The following NRXN1 variants were observed in gnomAD, a reference collection of about 807,000 sequenced individuals.
The protein encoded by NRXN1 is neurexin-1.
NRXN1 carries 39 observed loss-of-function variants against 150.9 expected under a neutral mutation model. The ratio of observed to expected loss-of-function variants is 0.26; its 90% CI spans 0.20 to 0.34. The LOEUF (loss-of-function observed/expected upper bound fraction) is 0.34, where lower values mean the gene tolerates loss of function less well. Among genes scored for constraint, NRXN1 ranks in the 10% least tolerant of loss-of-function variants. The pLI is 1.00. For missense variants in NRXN1, 1,815 were observed against 1,949.9 expected, an observed-to-expected ratio of 0.93 and a Z score of 1.30; for synonymous variants, 924 against 757.0, an observed-to-expected ratio of 1.22 and a Z score of -3.62.
chr2:50,124,507 T>C (rs538111251), intron 18 of NRXN1, among the ~76,000 whole-genome samples: 9 of 152,206 alleles, frequency 5.9e-5, no homozygotes, highest in Admixed American at 2.0e-4. Flanking sequence ...AATAGAACCA[T>C]AAAATGTTAA....
rs186086389 is a variant in NRXN1 at position 50,692,055 on chromosome 2, T to C, written c.833-68440A>G. Reference sequence around the variant, plus strand: ...TGTGTGAAAACAAAAAAATGGCAAATGAATTGACTTGAGGTTATAAACAAA... The same window carrying C: ...TGTGTGAAAACAAAAAAATGGCAAACGAATTGACTTGAGGTTATAAACAAA... On this transcript the variant is annotated intron_variant, in intron 5 of 22. Transcript: ENST00000401669. Among the ~76,000 whole-genome samples, 683 of 152,264 alleles carry C rather than the reference T, an allele frequency of 4.5e-3. 1 individual carries two copies. Among genetic ancestry groups the C allele is most frequent in the Non-Finnish European group, 5.9e-3 (404 of 68,014 alleles).
intron 5 of NRXN1, among the ~76,000 whole-genome samples, chr2:50,735,871 T>C (rs1456940587): frequency 1.3e-5 from 2 of 152,210 alleles, no homozygotes; most frequent in African/African-American, 4.8e-5. Flanking sequence ...TTTCCATTTT[T>C]ACTACCTTCA....
chr2:50,593,899 A>G (rs553301471), intron 8 of NRXN1, among the ~76,000 whole-genome samples: 20 of 152,360 alleles, frequency 1.3e-4, no homozygotes, highest in South Asian at 6.2e-4. Flanking sequence ...TTGATACCTT[A>G]GCCTCTGAAA....
Position 50,825,236 on chromosome 2 carries a change from A to C in NRXN1, c.832+96633T>G, listed in dbSNP as rs374211600. 2.0e-3 allele frequency among the ~76,000 whole-genome samples: 302 copies of C among 152,178 alleles called. 4 individuals are homozygous for C. The highest frequency in any genetic ancestry group is 0.016 in the South Asian group (78 of 4,820). ...AATGAGATATATACATTTGGTCTTC[A>C]CTCCCTTCTCCTGACATATAACTCT... On this transcript the variant is annotated intron_variant, in intron 5 of 22. Transcript: ENST00000401669.
chr2:50,909,830 G>C (rs1485502942), intron 5 of NRXN1, among the ~76,000 whole-genome samples: 1 of 151,930 alleles, frequency 6.6e-6, no homozygotes, highest in East Asian at 1.9e-4. Flanking sequence ...TTCTTCTTGA[G>C]CAGTGTAGAA....
chr2:50,468,989 G>A (rs1405619011), intron 16 of NRXN1, among the ~76,000 whole-genome samples: 1 of 151,580 alleles, frequency 6.6e-6, no homozygotes, highest in East Asian at 1.9e-4. Context: ...TTTATGTAGA[G>A]ATATTATCTT....
chr2:50,176,069 G>T (rs1246336179), intron 18 of NRXN1, among the ~76,000 whole-genome samples: 1 of 152,102 alleles, frequency 6.6e-6, no homozygotes, highest in Non-Finnish European at 1.5e-5. Flanking sequence ...CAGTTAGAAG[G>T]ATGGAAAAGC....
intron 19 of NRXN1, among the ~76,000 whole-genome samples, chr2:50,066,600 T>A (rs925181938): frequency 2.0e-5 from 3 of 152,162 alleles, no homozygotes; most frequent in African/African-American, 7.2e-5. Flanking sequence ...TCACCCAACA[T>A]CTATTTTTAA....
At chr2:50,915,614 T>C (rs1334322383) in intron 5 of NRXN1, among the ~76,000 whole-genome samples, 1 of 151,472 alleles carries the variant, frequency 6.6e-6, no homozygotes, top group Non-Finnish European at 1.5e-5. Context: ...GACATGGGTG[T>C]CTAGTTAGTT....
At chr2:49,934,183 G>A (rs1387351674) in intron 22 of NRXN1, among the ~76,000 whole-genome samples, 3 of 152,086 alleles carry the variant, frequency 2.0e-5, no homozygotes, top group Admixed American at 6.5e-5. Flanking sequence ...GTAATAAATA[G>A]CTGACAGCAA....
chr2:50,659,879 C>G (rs1048137548), intron 5 of NRXN1, among the ~76,000 whole-genome samples: 3 of 151,786 alleles, frequency 2.0e-5, no homozygotes, highest in Non-Finnish European at 1.5e-5. Flanking sequence ...AATTAAGTTT[C>G]TATTTTAATA....
chr2:50,985,988 G>A (rs949282727), intron 2 of NRXN1, among the ~76,000 whole-genome samples: 1 of 151,490 alleles, frequency 6.6e-6, no homozygotes, highest in African/African-American at 2.4e-5. Context: ...AAATTACAGA[G>A]AAAATGAACA....
At chr2:50,252,689 T>C (rs2067243740) in intron 17 of NRXN1, among the ~76,000 whole-genome samples, 2 of 152,182 alleles carry the variant, frequency 1.3e-5, no homozygotes, top group Admixed American at 6.5e-5. Context: ...CCTTTCCCCA[T>C]TGCATCTTTT....
intron 18 of NRXN1, among the ~76,000 whole-genome samples, chr2:50,156,574 A>C (rs1459264554): frequency 6.6e-6 from 1 of 151,998 alleles, no homozygotes; most frequent in Non-Finnish European, 1.5e-5. Context: ...TTTATTAAAA[A>C]GTTGTTAAAA....
intron 5 of NRXN1, among the ~76,000 whole-genome samples, chr2:50,871,967 T>C (rs1353798032): frequency 6.6e-6 from 1 of 151,890 alleles, no homozygotes; most frequent in East Asian, 1.9e-4. Context: ...TGTATTTTAA[T>C]GTAATAAAAC....
intron 17 of NRXN1, among the ~76,000 whole-genome samples, chr2:50,330,229 A>G (rs1177547819): frequency 6.6e-6 from 1 of 152,098 alleles, no homozygotes; most frequent in Non-Finnish European, 1.5e-5. Flanking sequence ...AATATACCAA[A>G]ATTTTAATAG....
At chr2:50,095,772 T>A (rs1208135521) in intron 18 of NRXN1, among the ~76,000 whole-genome samples, 1 of 150,934 alleles carries the variant, frequency 6.6e-6, no homozygotes, top group East Asian at 1.9e-4. Context: ...GACTTTTTTT[T>A]TTTTTAATTT....
chr2:50,709,449 G>A (rs1196586433), intron 5 of NRXN1, among the ~76,000 whole-genome samples: 5 of 152,112 alleles, frequency 3.3e-5, no homozygotes, highest in Non-Finnish European at 7.3e-5. Context: ...ATCAGAAACG[G>A]CTTCTCAGAG....
chr2:50,908,382 CACA>C (rs1363867450), intron 5 of NRXN1, among the ~76,000 whole-genome samples: 2 of 151,800 alleles, frequency 1.3e-5, no homozygotes, highest in Admixed American at 1.3e-4. Flanking sequence ...CACACACACA[CACA>C]ACCACACCCC....
Sources: allele counts gnomAD v4.1 joint callset (sites outside exome capture counted in the v4.1 genomes callset), GRCh38; gene constraint gnomAD v4.1.1; transcripts MANE v1.5; gene names NCBI Gene and HGNC (gene_info 2026-07-23, HGNC 2026-07-21).